MBOAT4: variants seen among roughly 807,000 people sequenced by gnomAD.
The protein encoded by MBOAT4 is membrane bound ghrelin O-acyltransferase MBOAT4, also known as membrane-bound ghrelin O-acyltransferase MBOAT4.
A neutral mutation model predicts 13.2 loss-of-function variants in MBOAT4; 11 were observed. That is an observed-to-expected ratio of 0.84 (90% CI 0.53 to 1.38). MBOAT4 has a LOEUF of 1.38. Among genes scored for constraint, MBOAT4 ranks in the 40% most tolerant of loss-of-function variants. The probability of loss-of-function intolerance (pLI) is 0.00; values close to 1 mark genes in which losing one functional copy is unlikely to be tolerated. For missense variants in MBOAT4, 481 were observed against 527.2 expected (o/e 0.91, Z 0.86); for synonymous variants, 202 against 210.3 (o/e 0.96, Z 0.34).
In MBOAT4 at chr8:30,143,367, AT is replaced by A. The variant is rs1394406640; in HGVS notation, c.119+1115del. ...CGTCTCAAAAAAAAAAAAAAAAAAA[AT>A]ATATATATATATATATATATATATA... On this transcript the variant is annotated intron_variant, in intron 1 of 2. Coordinates refer to ENST00000320542, the MANE Select transcript of MBOAT4 (RefSeq NM_001100916.2). Among the ~76,000 whole-genome samples the A allele has an allele frequency of 9.2e-3, 141 of 15,296 alleles. 1 individual carries two copies. Among genetic ancestry groups the A allele is most frequent in the African/African-American group, 0.014 (119 of 8,808 alleles). 10.0% of individuals were successfully genotyped at this position (15,296 alleles called of 152,430 possible).
rs1020644588 is a variant in MBOAT4, at chr8:30,137,413, A to C, written c.344+1119T>G. On this transcript the variant is annotated intron_variant, in intron 2 of 2. Transcript: ENST00000320542. ...CAGAGTGTCCACTCAACCCGTGCTG[A>C]GGCTGGCAGACAGTGCTGAGTCACT... 6 of 1,551,580 alleles carry C rather than the reference A, an allele frequency of 3.9e-6. No individual in the cohort carries two copies. The African/African-American group carries it at 8.2e-5, about 21-fold the overall frequency.
At position 30,144,552 on chromosome 8, in the gene MBOAT4, C is replaced by G. The variant is rs1803317918; in HGVS notation, c.50G>C (p.Gly17Ala). ...GAGAAGTGCAAAGGGAAATGCAGCC[C>G]CCTGGTAAAACGATATAGGATGGAG... ...FFLHPISFYQ[G>A]AAFPFALLFN... Residue 17 changes from glycine to alanine, a missense_variant, in exon 1 of 3, where the codon GGG (glycine) becomes GCG (alanine). By Grantham distance (60) the Gly-to-Ala change is moderately conservative. Transcript: ENST00000320542. 1 of 1,551,488 alleles carries G rather than the reference C, an allele frequency of 6.4e-7. No homozygotes were observed. The highest frequency in any genetic ancestry group is 8.7e-7 in the Non-Finnish European group (1 of 1,146,926).
intron 2 of MBOAT4, 159 bp downstream of exon 2, chr8:30,138,373 G>T: frequency 3.4e-6 from 2 of 593,512 alleles, no homozygotes; most frequent in Admixed American, 3.0e-5. Flanking sequence ...TCCAGAAAAA[G>T]AAATGAGTCT....
chr8:30,142,652 C>T (rs1323402168), intron 1 of MBOAT4, among the ~76,000 whole-genome samples: 1 of 152,186 alleles, frequency 6.6e-6, no homozygotes, highest in Non-Finnish European at 1.5e-5. Context: ...CCACTGCATC[C>T]AGCCAGAAAC....
chr8:30,132,594 G>A lies in MBOAT4; in HGVS notation c.657C>T (p.Asn219=), dbSNP rs192400927. The change falls in exon 3 of 3, where the codon AAC becomes AAT. Residue 219 remains asparagine, a synonymous_variant. Transcript: ENST00000320542. The part of the protein sequence containing the change: ...GLQILGLECL[N]VAVSRVVDAG... Reference sequence around the variant, plus strand: ...CATCCACCACCCTGCTCACTGCCACGTTTAGGCATTCTAGTCCAAGAATCT... The same window carrying A: ...CATCCACCACCCTGCTCACTGCCACATTTAGGCATTCTAGTCCAAGAATCT... 30 of 1,551,736 alleles carry A rather than the reference G, an allele frequency of 1.9e-5. No individual in the cohort carries two copies. The highest frequency in any genetic ancestry group is 3.3e-4 in the Middle Eastern group (2 of 5,992).
Position 30,132,830 on chromosome 8 carries a change from T to G in MBOAT4, c.421A>C (p.Lys141Gln). The G allele has an allele frequency of 6.4e-7, 1 of 1,551,628 alleles. No homozygotes were observed. Among genetic ancestry groups the G allele is most frequent in the Non-Finnish European group, 8.7e-7 (1 of 1,146,968 alleles). ...TSLSLDICEGKVKAASGGFRS... is the reference protein window; with the variant it reads ...TSLSLDICEGQVKAASGGFRS... ...AAGCCTCCAGATGCTGCCTTCACTTTCCCCTCACAAATGTCCAGAGAGAGG... is the reference window on the plus strand; with the variant it reads ...AAGCCTCCAGATGCTGCCTTCACTTGCCCCTCACAAATGTCCAGAGAGAGG... The change falls in exon 3 of 3, where the codon AAA becomes CAA. Residue 141 changes from lysine (K) to glutamine (Q), a missense_variant. By Grantham distance (53) the Lys-to-Gln change is moderately conservative. Coordinates refer to ENST00000320542, the MANE Select transcript of MBOAT4 (RefSeq NM_001100916.2).
Position 30,137,261 on chromosome 8 carries a change from C to T in MBOAT4, c.344+1271G>A. 2 of 1,547,318 alleles carry T rather than the reference C, an allele frequency of 1.3e-6. 1 individual carries two copies. The highest frequency in any genetic ancestry group is 2.4e-5 in the South Asian group (2 of 83,942). On this transcript the variant is annotated intron_variant, in intron 2 of 2. Transcript: ENST00000320542. ...CTAGACTGTAATTAGCTCTTGATTT[C>T]TGTTTTCTAGATGGGGCGCCTACCC...
At chr8:30,143,334 C>T (rs13252667) in intron 1 of MBOAT4, among the ~76,000 whole-genome samples, 2 of 147,190 alleles carry the variant, frequency 1.4e-5, no homozygotes, top group African/African-American at 5.3e-5. Flanking sequence ...GGCGACAGAG[C>T]GAGACTCCGT....
chr8:30,144,099 G>A (rs189410438), intron 1 of MBOAT4, among the ~76,000 whole-genome samples: 2 of 151,712 alleles, frequency 1.3e-5, no homozygotes, highest in East Asian at 3.9e-4. Context: ...CTTCACATCT[G>A]CAGTCTACTC....
intron 1 of MBOAT4, among the ~76,000 whole-genome samples, chr8:30,144,282 G>A (rs1456434917): frequency 6.6e-6 from 1 of 152,174 alleles, no homozygotes; most frequent in Non-Finnish European, 1.5e-5. Flanking sequence ...ACAGGCATGA[G>A]CCACCATGCC....
chr8:30,139,801 A>G (rs1481379927), intron 1 of MBOAT4, among the ~76,000 whole-genome samples: 1 of 152,082 alleles, frequency 6.6e-6, no homozygotes, highest in Non-Finnish European at 1.5e-5. Flanking sequence ...CTACAAAAAA[A>G]AAATTTGTTT....
intron 2 of MBOAT4, chr8:30,137,518 G>T (rs1341655807): frequency 6.6e-7 from 1 of 1,510,610 alleles, no homozygotes; most frequent in Admixed American, 2.0e-5. Context: ...ACTGCTCAGT[G>T]CCAGACACTG....
rs1180869790 is a variant in MBOAT4 at position 30,132,839 on chromosome 8, A to T, written c.412T>A (p.Cys138Ser). 1 of 1,551,574 alleles carries T rather than the reference A, an allele frequency of 6.4e-7. No individual in the cohort carries two copies. Among genetic ancestry groups the T allele is most frequent in the African/African-American group, 1.4e-5 (1 of 73,038 alleles). Residue 138 changes from cysteine to serine, a missense_variant, in exon 3 of 3, where the codon TGT (cysteine) becomes AGT (serine). Cys to Ser is a moderately radical substitution (Grantham distance 112, BLOSUM62 -1). Coordinates refer to ENST00000320542, the MANE Select transcript of MBOAT4 (RefSeq NM_001100916.2). ...GATGCTGCCTTCACTTTCCCCTCAC[A>T]AATGTCCAGAGAGAGGGACGTGACC... Reference protein sequence around the residue: ...QRVTSLSLDICEGKVKAASGG... With the variant: ...QRVTSLSLDISEGKVKAASGG...
Position 30,132,031 on chromosome 8 carries a change from A to C in MBOAT4, c.1220T>G (p.Leu407Trp). 2 of 1,551,918 alleles carry C rather than the reference A, an allele frequency of 1.3e-6. No individual in the cohort carries two copies. The highest frequency in any genetic ancestry group is 1.7e-6 in the Non-Finnish European group (2 of 1,147,066). ...VEVRSLSSLW[L>W]LCNSYNSVFP... ...GACACTGTTGTACGAATTACAGAGC[A>C]ACCAGAGAGAGGAGAGACTCCTGAC... is the stretch of plus-strand genomic sequence containing the variant. Residue 407 changes from leucine (L) to tryptophan (W), a missense_variant, in exon 3 of 3, where the codon TTG becomes TGG. By Grantham distance (61) the Leu-to-Trp change is moderately conservative. Transcript: ENST00000320542.
In MBOAT4 at chr8:30,132,820, G is replaced by A; in HGVS notation, c.431C>T (p.Ala144Val). 6 of 1,551,748 alleles carry A rather than the reference G, an allele frequency of 3.9e-6. No individual in the cohort carries two copies. Among genetic ancestry groups the A allele is most frequent in the Non-Finnish European group, 5.2e-6 (6 of 1,147,008 alleles). The change falls in exon 3 of 3, where the codon GCA (alanine) becomes GTA (valine). Residue 144 changes from alanine to valine, a missense_variant. Transcript: ENST00000320542. ...CCTGCTCCTGAAGCCTCCAGATGCT[G>A]CCTTCACTTTCCCCTCACAAATGTC... ...SLDICEGKVK[A>V]ASGGFRSRSS...
In MBOAT4 at chr8:30,132,406, T is replaced by C. The variant is rs1361407335; in HGVS notation, c.845A>G (p.Glu282Gly). ...GPELGQSPGE[E>G]GYVPDADIWT... ...GATGTCTGCATCGGGGACATATCCCTCCTCTCCAGGGCTCTGACCAAGCTC... is the reference window on the plus strand; with the variant it reads ...GATGTCTGCATCGGGGACATATCCCCCCTCTCCAGGGCTCTGACCAAGCTC... Residue 282 changes from glutamate to glycine, a missense_variant, in exon 3 of 3, where the codon GAG (glutamate) becomes GGG (glycine). Physicochemically the swap from Glu to Gly is moderately conservative, Grantham distance 98. Transcript: ENST00000320542. The C allele has an allele frequency of 2.6e-6, 4 of 1,551,704 alleles. No individual in the cohort carries two copies. Among genetic ancestry groups the C allele is most frequent in the Non-Finnish European group, 3.5e-6 (4 of 1,146,994 alleles).
intron 2 of MBOAT4, among the ~76,000 whole-genome samples, chr8:30,136,172 C>G (rs1308950195): frequency 6.6e-6 from 1 of 152,108 alleles, no homozygotes; most frequent in Non-Finnish European, 1.5e-5. Context: ...TGGTCTAACC[C>G]CAGTACCTCA....
At chr8:30,139,788 T>A (rs1311277548) in intron 1 of MBOAT4, among the ~76,000 whole-genome samples, 3 of 50,454 alleles carry the variant, frequency 5.9e-5, no homozygotes, top group African/African-American at 1.5e-4. Flanking sequence ...CAAGATCCCA[T>A]CTCTACAAAA....
rs372180860 is a variant in MBOAT4 at position 30,132,108 on chromosome 8, G to A, written c.1143C>T (p.Leu381=). Reference sequence around the variant, plus strand: ...TGATCAACTGGGTGTGGGCCCAGGTGAGGGTTCTATAGAACAGCCTCATCG... The same window carrying A: ...TGATCAACTGGGTGTGGGCCCAGGTAAGGGTTCTATAGAACAGCCTCATCG... ...SWPMRLFYRT[L]TWAHTQLIIA... The change falls in exon 3 of 3, where the codon CTC becomes CTT. Residue 381 remains leucine (L), a synonymous_variant. Transcript: ENST00000320542. 1.3e-6 allele frequency: 2 copies of A among 1,551,742 alleles called. No homozygotes were observed. Among genetic ancestry groups the A allele is most frequent in the African/African-American group, 1.4e-5 (1 of 73,154 alleles).
Sources: allele counts gnomAD v4.1 joint callset (sites outside exome capture counted in the v4.1 genomes callset), GRCh38; gene constraint gnomAD v4.1.1; transcripts MANE v1.5; gene names NCBI Gene and HGNC (gene_info 2026-07-23, HGNC 2026-07-21).